RMC1: variants seen among roughly 807,000 people sequenced by gnomAD.
RMC1 encodes regulator of MON1-CCZ1 complex.
In RMC1, 44 loss-of-function variants were observed where a neutral mutation model predicts 95.5. The observed-to-expected ratio is 0.46, with a 90% CI of 0.36 to 0.59. The LOEUF is 0.59. RMC1 is among the 20% of genes least tolerant of loss of function. RMC1 has a pLI of 0.00. For synonymous variants in RMC1, 320 were observed against 303.6 expected (o/e 1.05, Z -0.56); for missense variants, 705 against 819.6 (o/e 0.86, Z 1.71).
At chr18:23,530,804 CTG>C (rs1189397159) in intron 19 of RMC1, among the ~76,000 whole-genome samples, 192 bp downstream of exon 19, 1 of 152,178 alleles carries the variant, frequency 6.6e-6, no homozygotes, top group African/African-American at 2.4e-5. Flanking sequence ...GAATTATGCT[CTG>C]GAACTCACCG....
chr18:23,522,206 T>A (rs968773575), intron 10 of RMC1: 1 of 152,262 alleles, frequency 6.6e-6, no homozygotes, highest in East Asian at 1.9e-4. Context: ...AGACGTTCAA[T>A]TAGGTCTTTT....
Position 23,503,537 on chromosome 18 carries a change from A to T in RMC1, c.-82A>T, listed in dbSNP as rs893903682. The T allele has an allele frequency of 4.3e-5, 41 of 960,078 alleles. 1 individual carries two copies. Among genetic ancestry groups the T allele is most frequent in the African/African-American group, 3.5e-4 (20 of 56,904 alleles). The allele number at this position is 960,078 out of a possible 1,614,324, so 59.5% of individuals were successfully genotyped here. ...GAGCCGCAGCCGCAGCCGCCGCTACAGTCCGGGCCGGGCTCCACCGCGCAT... is the reference window on the plus strand; with the variant it reads ...GAGCCGCAGCCGCAGCCGCCGCTACTGTCCGGGCCGGGCTCCACCGCGCAT... On this transcript the variant is annotated 5_prime_UTR_variant, in exon 1 of 20. Transcript: ENST00000269221.
At chr18:23,508,086 G>C in intron 4 of RMC1, 45 bp downstream of exon 4, 1 of 1,569,672 alleles carries the variant, frequency 6.4e-7, no homozygotes, top group Non-Finnish European at 8.7e-7. Flanking sequence ...CAGTGGTGTT[G>C]AGCTGGGTTA....
chr18:23,524,078 T>A, intron 10 of RMC1, 52 bp from the exon 11 acceptor site: 2 of 1,583,680 alleles, frequency 1.3e-6, no homozygotes, highest in Admixed American at 1.7e-5. Flanking sequence ...AGTACCAGCA[T>A]TTGCAGCATT....
Position 23,519,055 on chromosome 18 carries a change from T to C in RMC1, c.744-14T>C. 6.2e-7 allele frequency: 1 copy of C among 1,613,822 alleles called. No individual in the cohort carries two copies. ...TGCAGCTTGTTGATCTGTTTTTTGC[T>C]TTCTATCCTACAGAGAAGGTGCCTG... On this transcript the variant is annotated splice_polypyrimidine_tract_variant and intron_variant, in intron 8 of 19. Coordinates refer to ENST00000269221, the MANE Select transcript of RMC1 (RefSeq NM_013326.5).
intron 16 of RMC1, 35 bp from the exon 17 acceptor site, chr18:23,529,993 G>A: frequency 1.3e-6 from 2 of 1,549,350 alleles, no homozygotes; most frequent in Non-Finnish European, 1.8e-6. Flanking sequence ...TGAATGATTT[G>A]GAAGTGTTCT....
Position 23,509,277 on chromosome 18 carries a change from C to T in RMC1, c.406C>T (p.Gln136Ter). ...FITDQGIEFY[Q>*]VLPEKRSLKL... ...AACAGATCAAGGAATCGAATTTTAC[C>T]AGGTATTATGTTTATCATTTATGTT... is the stretch of plus-strand genomic sequence containing the variant. The change falls in exon 5 of 20, where the codon CAG becomes TAG. Residue 136 changes from glutamine (Q) to a stop codon, truncating the protein, a stop_gained and splice_region_variant. Coordinates refer to ENST00000269221, the MANE Select transcript of RMC1 (RefSeq NM_013326.5). LOFTEE classifies it high-confidence loss of function. 7.1e-7 allele frequency: 1 copy of T among 1,416,500 alleles called. No individual in the cohort carries two copies. The highest frequency in any genetic ancestry group is 1.8e-5 in the South Asian group (1 of 56,402). 87.7% of individuals were successfully genotyped at this position (1,416,500 alleles called of 1,614,324 possible). A position where few individuals can be genotyped will look rare whatever the true frequency, so the allele number is the denominator to read the frequency against.
chr18:23,526,582 G>A (rs2058304176), intron 12 of RMC1, 55 bp from the exon 13 acceptor site: 1 of 1,588,184 alleles, frequency 6.3e-7, no homozygotes, highest in Non-Finnish European at 8.6e-7. Flanking sequence ...ACCACTTTTG[G>A]GCTTTTGTTA....
chr18:23,531,748 T>C lies in RMC1; in HGVS notation c.*44T>C, dbSNP rs2058516844. 1 of 1,588,620 alleles carries C rather than the reference T, an allele frequency of 6.3e-7. No individual in the cohort carries two copies. Among genetic ancestry groups the C allele is most frequent in the Non-Finnish European group, 8.5e-7 (1 of 1,172,332 alleles). On this transcript the variant is annotated 3_prime_UTR_variant, in exon 20 of 20. Coordinates refer to ENST00000269221, the MANE Select transcript of RMC1 (RefSeq NM_013326.5). ...TATATAAAAATGTGTACAAAGTTAA[T>C]TTATTGCATTAATAAAGCTCTTTAA...
chr18:23,524,356 C>A (rs377544931), intron 11 of RMC1, 73 bp from the exon 12 acceptor site: 2 of 1,546,112 alleles, frequency 1.3e-6, no homozygotes, highest in South Asian at 1.1e-5. Context: ...TGGGCAGGGG[C>A]GAGTGCTAGC....
intron 12 of RMC1, among the ~76,000 whole-genome samples, chr18:23,525,141 T>C (rs2058259858): frequency 6.6e-6 from 1 of 151,432 alleles, no homozygotes; most frequent in Non-Finnish European, 1.5e-5. Context: ...AGACGAGGTT[T>C]TTCCATGTTG....
chr18:23,515,755 A>T, intron 5 of RMC1, 101 bp from the exon 6 acceptor site: 1 of 1,403,588 alleles, frequency 7.1e-7, no homozygotes, highest in Non-Finnish European at 9.9e-7. Flanking sequence ...CTGGTCTCGA[A>T]CTCCTGACCT....
intron 15 of RMC1, 29 bp from the exon 16 acceptor site, chr18:23,529,605 AT>A (rs759161780): frequency 6.3e-7 from 1 of 1,585,680 alleles, no homozygotes; most frequent in South Asian, 1.1e-5. Flanking sequence ...CCTCGTTGGT[AT>A]TTGTAAGACC....
At chr18:23,504,881 C>G (rs16939692) in intron 2 of RMC1, among the ~76,000 whole-genome samples, 1 of 152,116 alleles carries the variant, frequency 6.6e-6, no homozygotes, top group African/African-American at 2.4e-5. Context: ...AGTCCCAGTT[C>G]GCACTGTTGA....
In RMC1 at chr18:23,518,937, C is replaced by T; in HGVS notation, c.701C>T (p.Ser234Phe). ...TTCTTGAGGCATCATTCTCGGACCT[C>T]CAACAGCACAGGAGCGGAGGTGGTC... ...VLFLRHHSRT[S>F]NSTGAEVVLY... Residue 234 changes from serine (S) to phenylalanine (F), a missense_variant, in exon 8 of 20, where the codon TCC (serine) becomes TTC (phenylalanine). Coordinates refer to ENST00000269221, the MANE Select transcript of RMC1 (RefSeq NM_013326.5). 6.2e-7 allele frequency: 1 copy of T among 1,614,166 alleles called. No individual in the cohort carries two copies. Among genetic ancestry groups the T allele is most frequent in the Non-Finnish European group, 8.5e-7 (1 of 1,180,014 alleles).
chr18:23,527,223 CA>C (rs386387173), intron 13 of RMC1, among the ~76,000 whole-genome samples: 6,529 of 43,562 alleles, frequency 0.15, 187 homozygotes, highest in East Asian at 0.3. Flanking sequence ...CCTGTCTCTA[CA>C]AAAAAAAAAA....
At chr18:23,504,619 C>T (rs2057668123) in intron 2 of RMC1, 172 bp downstream of exon 2, 1 of 557,708 alleles carries the variant, frequency 1.8e-6, no homozygotes, top group Non-Finnish European at 3.2e-6. Flanking sequence ...CTTACTAGCA[C>T]CTCTTGTCAG....
At position 23,520,250 on chromosome 18, in the gene RMC1, GTTACC is replaced by G; in HGVS notation, c.901_905del (p.Thr301ProfsTer32). The G allele has an allele frequency of 6.2e-7, 1 of 1,614,060 alleles. No individual in the cohort carries two copies. Among genetic ancestry groups the G allele is most frequent in the Non-Finnish European group, 8.5e-7 (1 of 1,180,014 alleles). ...GTTACGGGGAGAGTTTGACGGCTCCGTTACCTTCCACCACCCCGTGCTTCCCGCTC... is the reference window on the plus strand; with the variant it reads ...GTTACGGGGAGAGTTTGACGGCTCCGTTCCACCACCCCGTGCTTCCCGCTC... On this transcript the variant is annotated frameshift_variant, in exon 10 of 20. Coordinates refer to ENST00000269221, the MANE Select transcript of RMC1 (RefSeq NM_013326.5). LOFTEE classifies it high-confidence loss of function.
intron 19 of RMC1, 186 bp from the exon 20 acceptor site, chr18:23,531,438 AG>A (rs2058501788): frequency 2.4e-6 from 3 of 1,244,322 alleles, no homozygotes; most frequent in Non-Finnish European, 3.2e-6. Context: ...CAGGTTAGAT[AG>A]AATCTCTTCC....
Sources: gnomAD v4.1 joint callset for allele counts (sites outside exome capture counted in the v4.1 genomes callset) on GRCh38, gnomAD v4.1.1 for gene constraint, MANE v1.5 for transcripts, NCBI Gene and HGNC (gene_info 2026-07-23, HGNC 2026-07-21) for gene names.